PIK3C2A: variants seen among roughly 807,000 people sequenced by gnomAD.
The protein encoded by PIK3C2A is phosphatidylinositol 4-phosphate 3-kinase C2 domain-containing subunit alpha.
In PIK3C2A, 97 loss-of-function variants were observed where a neutral mutation model predicts 204.5. The observed-to-expected ratio is 0.47, with a 90% CI of 0.40 to 0.56. The LOEUF (loss-of-function observed/expected upper bound fraction) is 0.56. PIK3C2A is among the 20% of genes least tolerant of loss of function. The pLI is 0.00. For missense variants in PIK3C2A, 1,735 were observed against 1,969.2 expected (o/e 0.88, Z 2.25); for synonymous variants, 653 against 664.4 (o/e 0.98, Z 0.26).
intron 15 of PIK3C2A, among the ~76,000 whole-genome samples, chr11:17,120,249 C>T (rs993494872): frequency 1.3e-5 from 2 of 151,878 alleles, no homozygotes; most frequent in African/African-American, 4.8e-5. Context: ...TGAGCTCTAA[C>T]TAGATGCCAG....
At chr11:17,167,170 A>C (rs1280004550) in intron 2 of PIK3C2A, among the ~76,000 whole-genome samples, 1 of 152,076 alleles carries the variant, frequency 6.6e-6, no homozygotes, top group Non-Finnish European at 1.5e-5. Context: ...ACAGGTTCTC[A>C]TTATGTTGCC....
At chr11:17,129,553 T>C in intron 12 of PIK3C2A, 86 bp from the exon 13 acceptor site, 1 of 809,742 alleles carries the variant, frequency 1.2e-6, no homozygotes, top group African/African-American at 1.7e-5. Context: ...CAATTTTAGG[T>C]ATTGTATTTA....
chr11:17,091,895 G>C, intron 30 of PIK3C2A, 101 bp downstream of exon 30: 1 of 819,256 alleles, frequency 1.2e-6, no homozygotes. Context: ...CCCATTCTCA[G>C]ACTACAGCTA....
At chr11:17,126,114 ACT>A (rs533945199) in intron 13 of PIK3C2A, among the ~76,000 whole-genome samples, 5 of 152,122 alleles carry the variant, frequency 3.3e-5, no homozygotes, top group Non-Finnish European at 7.4e-5. Context: ...ACAGAGTGAG[ACT>A]CTGTCTCAAA....
intron 1 of PIK3C2A, among the ~76,000 whole-genome samples, chr11:17,191,776 T>C (rs11604470): frequency 0.12 from 17,670 of 152,104 alleles, 1,267 homozygotes; most frequent in Middle Eastern, 0.24. Context: ...CTTTACAGTT[T>C]AGCTAACTCG....
intron 1 of PIK3C2A, among the ~76,000 whole-genome samples, chr11:17,181,130 T>A (rs1056202988): frequency 6.6e-6 from 1 of 152,162 alleles, no homozygotes; most frequent in African/African-American, 2.4e-5. Context: ...TCCCGGCACC[T>A]CTATGTGTTC....
At chr11:17,136,670 A>G in intron 8 of PIK3C2A, 45 bp from the exon 9 acceptor site, 1 of 1,121,216 alleles carries the variant, frequency 8.9e-7, no homozygotes. Context: ...GTGAAATTTA[A>G]AGGACCAATT....
intron 1 of PIK3C2A, among the ~76,000 whole-genome samples, chr11:17,190,160 G>A (rs1375984310): frequency 2.0e-5 from 3 of 152,228 alleles, no homozygotes; most frequent in Non-Finnish European, 2.9e-5. Context: ...TTACTCTGGA[G>A]GCTGAGGCAG....
chr11:17,148,155 G>C (rs1850308100), intron 5 of PIK3C2A: 1 of 150,614 alleles, frequency 6.6e-6, no homozygotes, highest in Non-Finnish European at 1.5e-5. Flanking sequence ...GTTGTGGTGA[G>C]CCAAGACTGT....
intron 1 of PIK3C2A, among the ~76,000 whole-genome samples, chr11:17,189,074 G>C (rs1474726391): frequency 6.8e-6 from 1 of 146,784 alleles, no homozygotes; most frequent in Admixed American, 6.6e-5. Context: ...TGGCAAAACA[G>C]ATCTCTGAAA....
intron 2 of PIK3C2A, among the ~76,000 whole-genome samples, chr11:17,156,350 A>G (rs1056894618): frequency 6.6e-6 from 1 of 152,216 alleles, no homozygotes; most frequent in African/African-American, 2.4e-5. Flanking sequence ...TTCAAGAGCT[A>G]TAACAGATTT....
chr11:17,182,984 T>C (rs117647718), intron 1 of PIK3C2A, among the ~76,000 whole-genome samples: 1 of 152,250 alleles, frequency 6.6e-6, no homozygotes, highest in African/African-American at 2.4e-5. Flanking sequence ...GAACTACAGG[T>C]ATGCATCACT....
chr11:17,142,642 T>TGCA lies in PIK3C2A; in HGVS notation c.1704+3023_1704+3025dup, dbSNP rs1280823578. ...CCAGCCCAGACAACACAGAGAAATC[T>TGCA]GCAGGGGGTTGCAGCTGCAGTGATC... On this transcript the variant is annotated intron_variant, in intron 8 of 32. Transcript: ENST00000691414. Among the ~76,000 whole-genome samples, 7 of 150,220 alleles carry TGCA rather than the reference T, an allele frequency of 4.7e-5. No individual in the cohort carries two copies. The South Asian group carries it at 6.3e-4, about 13-fold the overall frequency.
At chr11:17,123,428 T>TC (rs1849427228) in intron 13 of PIK3C2A, among the ~76,000 whole-genome samples, 1 of 150,920 alleles carries the variant, frequency 6.6e-6, no homozygotes, top group Non-Finnish European at 1.5e-5. Context: ...CTTGTTTTTT[T>TC]TTTTTTTTTT....
intron 1 of PIK3C2A, among the ~76,000 whole-genome samples, chr11:17,207,485 C>T (rs184866172): frequency 1.0e-3 from 158 of 152,320 alleles, no homozygotes; most frequent in African/African-American, 3.7e-3. Context: ...GGCTCCAGCC[C>T]GGTCCCGCGG....
chr11:17,185,316 A>C lies in PIK3C2A; in HGVS notation c.-65-15510T>G, dbSNP rs72632988. 0.026 allele frequency among the ~76,000 whole-genome samples: 4,033 copies of C among 152,326 alleles called. 540 individuals carry two copies. The East Asian group carries it at 0.42, about 16-fold the overall frequency. ...GTCATAAAGTTTGTAGCCTAAGAGC[A>C]AAAGGCTATATACTACATACCCTAG... is the stretch of plus-strand genomic sequence containing the variant. On this transcript the variant is annotated intron_variant, in intron 1 of 32. Transcript: ENST00000691414.
intron 13 of PIK3C2A, among the ~76,000 whole-genome samples, chr11:17,124,355 C>G (rs1849453615): frequency 6.6e-6 from 1 of 152,044 alleles, no homozygotes; most frequent in Non-Finnish European, 1.5e-5. Context: ...TATCTAGTCA[C>G]TATTCAAATT....
rs529041006 is a variant in PIK3C2A, at chr11:17,179,372, G to A, written c.-65-9566C>T. Reference sequence around the variant, plus strand: ...AGACAGGGTCTCACCGTGTTGCCCAGGCTGGTCTCAAACTCCTGGCTCAAA... The same window carrying A: ...AGACAGGGTCTCACCGTGTTGCCCAAGCTGGTCTCAAACTCCTGGCTCAAA... On this transcript the variant is annotated intron_variant, in intron 1 of 32. Transcript: ENST00000691414. Among the ~76,000 whole-genome samples, 11 of 152,174 alleles carry A rather than the reference G, an allele frequency of 7.2e-5. No individual in the cohort carries two copies. The East Asian group carries it at 1.9e-3, about 27-fold the overall frequency.
chr11:17,199,024 CAAG>C (rs1461072456), intron 1 of PIK3C2A, among the ~76,000 whole-genome samples: 4 of 150,508 alleles, frequency 2.7e-5, no homozygotes, highest in Non-Finnish European at 5.9e-5. Context: ...GAGGATGAGA[CAAG>C]AGAATCACTT....
Sources: gnomAD v4.1 joint callset for allele counts (sites outside exome capture counted in the v4.1 genomes callset) on GRCh38, gnomAD v4.1.1 for gene constraint, MANE v1.5 for transcripts, NCBI Gene and HGNC (gene_info 2026-07-23, HGNC 2026-07-21) for gene names.